Variants in TENT5D observed in about 807,000 individuals in gnomAD.
TENT5D encodes the protein terminal nucleotidyltransferase 5D, also known as cancer/testis antigen 112.
For synonymous variants in TENT5D, 103 were observed against 100.6 expected, an observed-to-expected ratio of 1.02 and a Z score of -0.15; for missense variants, 191 against 287.0, an observed-to-expected ratio of 0.67 and a Z score of 2.42.
At position 80,357,670 on chromosome X, in the gene TENT5D, A is replaced by G. The variant is rs188578039; in HGVS notation, c.-142+15106A>G. ...AGATCCTGGATATTAGCCCTTTGTC[A>G]GATGAGTAGATTGCAAATCCATGCT... On this transcript the variant is annotated intron_variant, in intron 3 of 4. Coordinates refer to the TENT5D transcript ENST00000538312. Among the ~76,000 whole-genome samples, 41 of 111,575 alleles carry G rather than the reference A, an allele frequency of 3.7e-4. 1 individual carries two copies. The East Asian group carries it at 0.011, about 30-fold the overall frequency.
chrX:80,350,174 A>C (rs1026551250), intron 3 of TENT5D, among the ~76,000 whole-genome samples: 5 of 111,498 alleles, frequency 4.5e-5, no homozygotes, highest in Non-Finnish European at 9.4e-5. Flanking sequence ...TGCTTGGTCC[A>C]GAGCTGAGTT....
chrX:80,417,137 C>A (rs1185391529), upstream of TENT5D, among the ~76,000 whole-genome samples: 1 of 103,743 alleles, frequency 9.6e-6, no homozygotes, highest in Non-Finnish European at 2.0e-5. Context: ...CTTTTTTTTT[C>A]TATTTTCCAT....
chrX:80,340,855 A>G (rs1375508434), intron 2 of TENT5D, among the ~76,000 whole-genome samples: 1 of 112,339 alleles, frequency 8.9e-6, no homozygotes, highest in Non-Finnish European at 1.9e-5. Flanking sequence ...ATCTAGCTAT[A>G]GAATTATCTA....
At chrX:80,363,649 C>T (rs763194309) in intron 3 of TENT5D, among the ~76,000 whole-genome samples, 1 of 112,133 alleles carries the variant, frequency 8.9e-6, no homozygotes, top group South Asian at 3.7e-4. Context: ...GTTTCCATAA[C>T]ATACTGTTCT....
intron 3 of TENT5D, among the ~76,000 whole-genome samples, chrX:80,369,190 T>C (rs746720863): frequency 8.9e-6 from 1 of 112,149 alleles, no homozygotes; most frequent in South Asian, 3.6e-4. Context: ...GCATGGTATT[T>C]CACTTATGTT....
Position 80,357,934 on chromosome X carries a change from T to C in TENT5D, c.-142+15370T>C, listed in dbSNP as rs772215290. ...AAACTATACTACAAGGCTACAGTAATTAAAACAGCATGGTACTGGTACCAA... is the reference window on the plus strand; with the variant it reads ...AAACTATACTACAAGGCTACAGTAACTAAAACAGCATGGTACTGGTACCAA... On this transcript the variant is annotated intron_variant, in intron 3 of 4. Coordinates refer to the TENT5D transcript ENST00000538312. 9.8e-4 allele frequency among the ~76,000 whole-genome samples: 109 copies of C among 111,272 alleles called. 1 individual carries two copies. The highest frequency in any genetic ancestry group is 3.3e-3 in the African/African-American group (101 of 30,541).
At chrX:80,382,703 C>CT (rs1569362922) in intron 3 of TENT5D, among the ~76,000 whole-genome samples, 1 of 1,984 alleles carries the variant, frequency 5.0e-4, no homozygotes, top group African/African-American at 1.0e-3. Context: ...CAATGGCGGA[C>CT]GCCCCCCCCC....
chrX:80,374,669 T>C (rs748758465), intron 3 of TENT5D, among the ~76,000 whole-genome samples: 1 of 111,537 alleles, frequency 9.0e-6, no homozygotes, highest in Non-Finnish European at 1.9e-5. Flanking sequence ...TTGTTGCAGT[T>C]AAAAGCATCA....
chrX:80,354,289 G>A (rs747692172), intron 3 of TENT5D, among the ~76,000 whole-genome samples: 7 of 111,569 alleles, frequency 6.3e-5, no homozygotes, highest in East Asian at 5.6e-4. Context: ...CCTCAGATAC[G>A]TTTTCCAAGT....
At chrX:80,358,837 G>T (rs988019308) in intron 3 of TENT5D, among the ~76,000 whole-genome samples, 3 of 111,974 alleles carry the variant, frequency 2.7e-5, no homozygotes, top group Non-Finnish European at 5.6e-5. Context: ...TAACTTTGCA[G>T]CACTGGCTCT....
At chrX:80,385,387 G>A (rs1930973588) in intron 3 of TENT5D, among the ~76,000 whole-genome samples, 1 of 111,065 alleles carries the variant, frequency 9.0e-6, no homozygotes, top group African/African-American at 3.3e-5. Flanking sequence ...AGCTGAAACT[G>A]GATCCCTTCC....
chrX:80,347,119 A>T lies in TENT5D; in HGVS notation c.-142+4555A>T, dbSNP rs1257280263. On this transcript the variant is annotated intron_variant, in intron 3 of 4. Transcript: ENST00000538312. ...TGGTTCCAAGTCTTTGCTATTGTAAATATTGCTGCAATAAACATATGTGTG... is the reference window on the plus strand; with the variant it reads ...TGGTTCCAAGTCTTTGCTATTGTAATTATTGCTGCAATAAACATATGTGTG... Among the ~76,000 whole-genome samples, 3 of 111,615 alleles carry T rather than the reference A, an allele frequency of 2.7e-5. No homozygotes were observed. The East Asian group carries it at 8.4e-4, about 31-fold the overall frequency.
chrX:80,390,870 CAATG>C (rs1931110822), intron 3 of TENT5D, among the ~76,000 whole-genome samples: 2 of 111,889 alleles, frequency 1.8e-5, no homozygotes, highest in Non-Finnish European at 3.8e-5. Context: ...TCTTCAATAA[CAATG>C]AACGTTCTTG....
intron 3 of TENT5D, among the ~76,000 whole-genome samples, chrX:80,393,967 C>CT (rs938367568): frequency 8.9e-6 from 1 of 112,017 alleles, no homozygotes; most frequent in African/African-American, 3.2e-5. Context: ...TGGATGAACA[C>CT]TTAGGTTATT....
chrX:80,355,687 G>A (rs780748976), intron 3 of TENT5D, among the ~76,000 whole-genome samples: 6 of 111,622 alleles, frequency 5.4e-5, no homozygotes, highest in Non-Finnish European at 9.4e-5. Context: ...AGCTGCTGGG[G>A]GCCAGGAATG....
intron 3 of TENT5D, among the ~76,000 whole-genome samples, chrX:80,365,377 G>C (rs1930486775): frequency 9.0e-6 from 1 of 111,559 alleles, no homozygotes; most frequent in Admixed American, 9.6e-5. Context: ...ACCTGATACA[G>C]AGTAAGTATT....
At chrX:80,438,639 GTGA>G (rs946739258) in exon 2 of TENT5D, 6 of 109,711 alleles carry the variant, frequency 5.5e-5, no homozygotes, top group African/African-American at 2.0e-4. Flanking sequence ...ACTTTATTCA[GTGA>G]TAATATGAAA....
upstream of TENT5D, among the ~76,000 whole-genome samples, chrX:80,417,411 T>G (rs1158715047): frequency 9.1e-6 from 1 of 109,624 alleles, no homozygotes; most frequent in African/African-American, 3.3e-5. Context: ...TCTGTGTGCT[T>G]AAGTGTGTAT....
At chrX:80,397,794 C>T (rs1329205956) in intron 3 of TENT5D, among the ~76,000 whole-genome samples, 2 of 112,302 alleles carry the variant, frequency 1.8e-5, no homozygotes, top group Admixed American at 9.3e-5. Context: ...TCAGGCGTGG[C>T]GGCGCGCGCC....
Sources: allele counts gnomAD v4.1 joint callset (sites outside exome capture counted in the v4.1 genomes callset), GRCh38; gene constraint gnomAD v4.1.1; transcripts MANE v1.5; gene names NCBI Gene and HGNC (gene_info 2026-07-23, HGNC 2026-07-21).